Variants in FNDC3B observed in about 807,000 individuals in gnomAD.
FNDC3B encodes the protein fibronectin type III domain containing 3B.
FNDC3B carries 12 observed loss-of-function variants against 151.5 expected under a neutral mutation model. The ratio of observed to expected loss-of-function variants is 0.08; its 90% CI spans 0.05 to 0.13. The LOEUF is 0.13. Ranked by LOEUF, FNDC3B falls within the 10% of genes least tolerant of loss-of-function variation. The pLI is 1.00. For synonymous variants in FNDC3B, 528 were observed against 549.0 expected (o/e 0.96, Z 0.54); for missense variants, 1,214 against 1,505.3 (o/e 0.81, Z 3.20).
At chr3:172,172,615 A>G (rs1174341309) in intron 3 of FNDC3B, among the ~76,000 whole-genome samples, 3 of 152,230 alleles carry the variant, frequency 2.0e-5, no homozygotes, top group Non-Finnish European at 4.4e-5. Context: ...CAGCAAAAAT[A>G]CTGGGTTCCA....
rs115273322 is a variant in FNDC3B at position 172,352,504 on chromosome 3, A to G, written c.2515-299A>G. ...TTAAGATCTACCACAGGGGGTTATT[A>G]TGAAGATCGTGTAAGATGATGTATA... On this transcript the variant is annotated intron_variant, in intron 21 of 25. Transcript: ENST00000415807. This position sits in a 1 kb window ranked among gnomAD's most constrained non-coding sequence, Gnocchi z 4.2. Among the ~76,000 whole-genome samples, 1,776 of 152,338 alleles carry G rather than the reference A, an allele frequency of 0.012. 13 individuals are homozygous for G. The highest frequency in any genetic ancestry group is 0.017 in the Non-Finnish European group (1,132 of 68,030).
At chr3:172,049,048 T>G (rs1716504219) in intron 1 of FNDC3B, among the ~76,000 whole-genome samples, 1 of 152,198 alleles carries the variant, frequency 6.6e-6, no homozygotes, top group South Asian at 2.1e-4. Context: ...GCGATGGTTG[T>G]ACAACATTAT....
Position 172,307,598 on chromosome 3 carries a change from A to G in FNDC3B, c.1200+97A>G, listed in dbSNP as rs547373538. ...GTCCCAGCTACCTGGGAGGCTGAGG[A>G]GGGGGGATCACTTGAACCCAGGAGT... is the stretch of plus-strand genomic sequence containing the variant. On this transcript the variant is annotated intron_variant, in intron 10 of 25. Transcript: ENST00000415807. 4 of 1,249,354 alleles carry G rather than the reference A, an allele frequency of 3.2e-6. No homozygotes were observed. The African/African-American group carries it at 5.9e-5, about 18-fold the overall frequency. 77.4% of individuals were successfully genotyped at this position (1,249,354 alleles called of 1,614,324 possible).
chr3:172,193,805 C>T (rs1255432102), intron 3 of FNDC3B, among the ~76,000 whole-genome samples: 1 of 152,118 alleles, frequency 6.6e-6, no homozygotes, highest in African/African-American at 2.4e-5. Context: ...ATCAACAAAG[C>T]TTTTCAAAAA....
intron 3 of FNDC3B, among the ~76,000 whole-genome samples, chr3:172,214,282 T>G (rs1725871337): frequency 6.6e-6 from 1 of 152,220 alleles, no homozygotes; most frequent in Non-Finnish European, 1.5e-5. Context: ...CTCATTTACT[T>G]TCCGGACCCC....
chr3:172,329,802 T>A (rs1370102580), intron 12 of FNDC3B: 1 of 152,168 alleles, frequency 6.6e-6, no homozygotes, highest in African/African-American at 2.4e-5. Context: ...TCCACCACCA[T>A]GGTAGCCATT....
At chr3:172,232,556 T>G (rs1411656794) in intron 4 of FNDC3B, among the ~76,000 whole-genome samples, 4 of 152,078 alleles carry the variant, frequency 2.6e-5, no homozygotes, top group Non-Finnish European at 4.4e-5. Flanking sequence ...ATATAGTAGG[T>G]TGGGGGATGT....
chr3:172,349,167 C>A (rs1033554386), intron 21 of FNDC3B, among the ~76,000 whole-genome samples: 2 of 152,052 alleles, frequency 1.3e-5, no homozygotes, highest in Non-Finnish European at 2.9e-5. Context: ...ATCTGTAGTC[C>A]CAGCTGCTCA....
At chr3:172,395,427 A>C (rs921472209) in intron 25 of FNDC3B, among the ~76,000 whole-genome samples, 3 of 152,224 alleles carry the variant, frequency 2.0e-5, no homozygotes, top group South Asian at 4.1e-4. Flanking sequence ...ATAATGTCTA[A>C]GTAAACTGGT....
Position 172,247,685 on chromosome 3 carries a change from G to A in FNDC3B, c.417G>A (p.Thr139=), listed in dbSNP as rs1434458210. Residue 139 remains threonine (T), a synonymous_variant, in exon 5 of 26, where the codon ACG becomes ACA. Coordinates refer to ENST00000415807, the MANE Select transcript of FNDC3B (RefSeq NM_022763.4). ...CACATTTTATTCATAACTCACACAC[G>A]GCTTACTACCCACCTGTTACCGGAC... The part of the protein sequence containing the change: ...HHPHFIHNSH[T]AYYPPVTGPG... The A allele has an allele frequency of 1.2e-6, 2 of 1,613,888 alleles. No individual in the cohort carries two copies. Among genetic ancestry groups the A allele is most frequent in the Non-Finnish European group, 8.5e-7 (1 of 1,179,980 alleles).
chr3:172,093,384 G>A (rs1056486297), intron 1 of FNDC3B, among the ~76,000 whole-genome samples: 4 of 151,306 alleles, frequency 2.6e-5, no homozygotes, highest in African/African-American at 7.3e-5. Flanking sequence ...TCAGCCTCCC[G>A]AGTAGCTGGG....
chr3:172,226,843 C>G, intron 3 of FNDC3B, 28 bp from the exon 4 acceptor site: 2 of 1,359,008 alleles, frequency 1.5e-6, no homozygotes, highest in South Asian at 2.3e-5. Context: ...GTTTCTTCAG[C>G]TATTAACATC....
intron 3 of FNDC3B, among the ~76,000 whole-genome samples, chr3:172,218,317 AC>A (rs1326696893): frequency 1.9e-4 from 29 of 151,948 alleles, no homozygotes; most frequent in Non-Finnish European, 3.5e-4. Context: ...CAAAGCAGCC[AC>A]CCTTACCTTG....
At chr3:172,264,216 G>A (rs1194832299) in intron 6 of FNDC3B, among the ~76,000 whole-genome samples, 4 of 152,118 alleles carry the variant, frequency 2.6e-5, no homozygotes, top group South Asian at 4.2e-4. Flanking sequence ...AGGTGGTCTC[G>A]AACTCCTTGG....
In FNDC3B at chr3:172,341,244, T is replaced by G. The variant is rs545550949; in HGVS notation, c.1971+13T>G. 94 of 1,587,116 alleles carry G rather than the reference T, an allele frequency of 5.9e-5. No individual in the cohort carries two copies. In the East Asian group the frequency reaches 2.0e-3, roughly 34 times the overall value. On this transcript the variant is annotated intron_variant, in intron 17 of 25. Coordinates refer to ENST00000415807, the MANE Select transcript of FNDC3B (RefSeq NM_022763.4). ...CGGACACAGCCAGGTTGGTTTTGTT[T>G]CCATATGAAAGTAAACCTCATTGAT...
intron 3 of FNDC3B, among the ~76,000 whole-genome samples, chr3:172,181,395 CAAAAAAAAAA>C (rs755223783): frequency 5.0e-4 from 36 of 71,532 alleles, no homozygotes; most frequent in African/African-American, 1.9e-3. Flanking sequence ...ACTCTGTCTC[CAAAAAAAAAA>C]AAAAAAAAAC....
intron 3 of FNDC3B, among the ~76,000 whole-genome samples, chr3:172,172,847 A>C (rs148919983): frequency 6.6e-6 from 1 of 152,264 alleles, no homozygotes; most frequent in African/African-American, 2.4e-5. Flanking sequence ...CTTCTTTCAT[A>C]TTCTTCGACA....
In FNDC3B at chr3:172,341,277, G is replaced by A. The variant is rs371148680; in HGVS notation, c.1971+46G>A. 53 of 1,346,686 alleles carry A rather than the reference G, an allele frequency of 3.9e-5. No individual in the cohort carries two copies. The African/African-American group carries it at 4.7e-4, about 12-fold the overall frequency. 83.4% of individuals were successfully genotyped at this position (1,346,686 alleles called of 1,614,324 possible). A position where few individuals can be genotyped will look rare whatever the true frequency, so the allele number is the denominator to read the frequency against. On this transcript the variant is annotated intron_variant, in intron 17 of 25. Transcript: ENST00000415807. ...AAAGTAAACCTCATTGATCAAATTC[G>A]GACAAACTGTCTATAACATCAGAAG...
intron 25 of FNDC3B, among the ~76,000 whole-genome samples, chr3:172,393,793 A>G (rs912201421): frequency 6.6e-6 from 1 of 152,146 alleles, no homozygotes; most frequent in African/African-American, 2.4e-5. Flanking sequence ...TTTGAGGCAA[A>G]TGGAAACACA....
Sources: gnomAD v4.1 joint callset for allele counts (sites outside exome capture counted in the v4.1 genomes callset) on GRCh38, gnomAD v4.1.1 for gene constraint, Gnocchi (gnomAD v3.1) non-coding constraint, MANE v1.5 for transcripts, NCBI Gene and HGNC (gene_info 2026-07-23, HGNC 2026-07-21) for gene names.